Variants in NALF1 observed in about 807,000 individuals in gnomAD.
The protein encoded by NALF1 is family with sequence similarity 155 member A.
A neutral mutation model predicts 48.4 loss-of-function variants in NALF1; 3 were observed. The ratio of observed to expected loss-of-function variants is 0.06; its 90% CI spans 0.03 to 0.16. The LOEUF (loss-of-function observed/expected upper bound fraction) is 0.16. Ranked by LOEUF, NALF1 falls within the 10% of genes least tolerant of loss-of-function variation. The pLI, the probability that NALF1 is intolerant of heterozygous loss-of-function variation, is 1.00. For synonymous variants in NALF1, 262 were observed against 245.7 expected (o/e 1.07, Z -0.62); for missense variants, 526 against 571.5 (o/e 0.92, Z 0.81).
chr13:107,287,702 C>CT (rs1159572012), intron 1 of NALF1, among the ~76,000 whole-genome samples: 10 of 97,468 alleles, frequency 1.0e-4, no homozygotes, highest in Non-Finnish European at 2.3e-4. Context: ...CTTTTCTTTT[C>CT]TTTCTTTTTT....
intron 1 of NALF1, among the ~76,000 whole-genome samples, chr13:107,411,431 C>A (rs556618341): frequency 2.0e-5 from 3 of 151,822 alleles, no homozygotes; most frequent in Non-Finnish European, 4.4e-5. Flanking sequence ...CCCACCTCGA[C>A]CCCACAAAGT....
chr13:107,285,242 A>T, intron 1 of NALF1, among the ~76,000 whole-genome samples: 1 of 152,226 alleles, frequency 6.6e-6, no homozygotes, highest in Non-Finnish European at 1.5e-5. Flanking sequence ...CCTGTATAAT[A>T]CCTAAGAGAA....
intron 1 of NALF1, among the ~76,000 whole-genome samples, chr13:107,435,418 C>T (rs1020491424): frequency 4.6e-5 from 7 of 152,126 alleles, no homozygotes; most frequent in South Asian, 2.1e-4. Context: ...AATTAATACA[C>T]GCAGACAGCT....
intron 1 of NALF1, among the ~76,000 whole-genome samples, chr13:107,356,680 TAA>T (rs1042080903): frequency 1.5e-4 from 23 of 152,160 alleles, no homozygotes; most frequent in African/African-American, 4.6e-4. Flanking sequence ...TTTTAGACAT[TAA>T]AAGACTTCAA....
chr13:107,506,246 A>G (rs1875693473), intron 1 of NALF1, among the ~76,000 whole-genome samples: 1 of 152,158 alleles, frequency 6.6e-6, no homozygotes. Context: ...AAGGCCTTTA[A>G]GTAGTATTAA....
intron 1 of NALF1, among the ~76,000 whole-genome samples, chr13:107,714,271 A>G (rs1875684038): frequency 6.6e-6 from 1 of 152,220 alleles, no homozygotes; most frequent in Non-Finnish European, 1.5e-5. Flanking sequence ...CACAAGCTGC[A>G]GCGCTGCTGT....
intron 1 of NALF1, among the ~76,000 whole-genome samples, chr13:107,284,329 A>G (rs1881448827): frequency 6.6e-6 from 1 of 152,164 alleles, no homozygotes; most frequent in Non-Finnish European, 1.5e-5. Context: ...TATATGAGTA[A>G]GCAGGAAAGC....
chr13:107,215,536 G>C (rs538786132), intron 1 of NALF1, among the ~76,000 whole-genome samples: 2 of 152,120 alleles, frequency 1.3e-5, no homozygotes, highest in Admixed American at 6.5e-5. Flanking sequence ...TGGTTATAAC[G>C]GCACAGCCTC....
intron 1 of NALF1, among the ~76,000 whole-genome samples, chr13:107,840,469 G>A (rs1325572987): frequency 6.6e-6 from 1 of 152,194 alleles, no homozygotes; most frequent in Non-Finnish European, 1.5e-5. Context: ...CAAGGTGTCT[G>A]CTGGAGCTCC....
intron 1 of NALF1, among the ~76,000 whole-genome samples, chr13:107,344,188 C>A (rs1051474249): frequency 1.3e-5 from 2 of 152,040 alleles, no homozygotes; most frequent in African/African-American, 4.8e-5. Flanking sequence ...AAAATTGAAT[C>A]AGTAATCAGA....
chr13:107,523,194 T>C (rs1876305299), intron 1 of NALF1, among the ~76,000 whole-genome samples: 3 of 152,100 alleles, frequency 2.0e-5, no homozygotes, highest in African/African-American at 7.2e-5. Flanking sequence ...TTCAGAGCCA[T>C]TGTTCTCCAC....
At chr13:107,428,304 G>A (rs528567226) in intron 1 of NALF1, among the ~76,000 whole-genome samples, 7 of 152,282 alleles carry the variant, frequency 4.6e-5, no homozygotes, top group South Asian at 2.1e-4. Flanking sequence ...CCTCATGCCC[G>A]AGGTTGCACT....
At position 107,866,154 on chromosome 13, in the gene NALF1, C is replaced by T; in HGVS notation, c.443G>A (p.Gly148Asp). The T allele has an allele frequency of 6.2e-7, 1 of 1,607,704 alleles. No individual in the cohort carries two copies. Among genetic ancestry groups the T allele is most frequent in the Non-Finnish European group, 8.5e-7 (1 of 1,177,632 alleles). Residue 148 changes from glycine to aspartate, a missense_variant, in exon 1 of 3, where the codon GGC becomes GAC. Around this residue, in one of 2 missense-constraint regions of NALF1, gnomAD observed 373 missense variants for 355.5 expected, o/e 1.05. Transcript: ENST00000375915. The surrounding 1 kb of genome is among the most constrained non-coding windows in gnomAD (Gnocchi z 4.4). Reference protein sequence around the residue: ...GGGGGGKGNRGKDDRGKALFL... With the variant: ...GGGGGGKGNRDKDDRGKALFL... Reference sequence around the variant, plus strand: ...AAGAGCCTTGCCCCGGTCGTCTTTGCCTCGGTTGCCCTTGCCGCCGCCGCC... The same window carrying T: ...AAGAGCCTTGCCCCGGTCGTCTTTGTCTCGGTTGCCCTTGCCGCCGCCGCC...
chr13:107,866,285 G>A lies in NALF1; in HGVS notation c.312C>T (p.Pro104=), dbSNP rs369979107. ...QQRRQQEPSW[P]ALLASMGESS... Reference sequence around the variant, plus strand: ...ACTCCCCCATGCTCGCCAGGAGCGCGGGCCAGGAGGGCTCCTGCTGCCGCC... The same window carrying A: ...ACTCCCCCATGCTCGCCAGGAGCGCAGGCCAGGAGGGCTCCTGCTGCCGCC... Residue 104 remains proline, a synonymous_variant, in exon 1 of 3, where the codon CCC becomes CCT. Transcript: ENST00000375915. The surrounding 1 kb of genome is among the most constrained non-coding windows in gnomAD (Gnocchi z 4.4). 374 of 1,601,364 alleles carry A rather than the reference G, an allele frequency of 2.3e-4. 1 individual carries two copies. The highest frequency in any genetic ancestry group is 4.9e-5 in the Non-Finnish European group (58 of 1,176,152).
At chr13:107,180,980 G>T (rs941174100) in intron 2 of NALF1, among the ~76,000 whole-genome samples, 2 of 151,548 alleles carry the variant, frequency 1.3e-5, no homozygotes, top group Non-Finnish European at 3.0e-5. Context: ...TCTAAAAATA[G>T]CTTGTTTATA....
At chr13:107,398,633 A>C (rs1201353970) in intron 1 of NALF1, among the ~76,000 whole-genome samples, 6 of 152,142 alleles carry the variant, frequency 3.9e-5, no homozygotes, top group African/African-American at 1.4e-4. Context: ...GGTACTGATA[A>C]TAAGCAAACT....
intron 1 of NALF1, among the ~76,000 whole-genome samples, chr13:107,467,010 A>G (rs373132430): frequency 3.9e-5 from 6 of 152,184 alleles, no homozygotes; most frequent in African/African-American, 1.4e-4. Flanking sequence ...TTTATATTGC[A>G]CTTAACTGAC....
intron 1 of NALF1, among the ~76,000 whole-genome samples, chr13:107,253,173 CTTTTTT>C (rs3072801): frequency 1.4e-5 from 2 of 146,550 alleles, no homozygotes; most frequent in Non-Finnish European, 1.5e-5. Context: ...GGACTTCTTT[CTTTTTT>C]TTTTTTTTTG....
chr13:107,381,436 G>T (rs1249188022), intron 1 of NALF1, among the ~76,000 whole-genome samples: 3 of 151,902 alleles, frequency 2.0e-5, no homozygotes, highest in Non-Finnish European at 4.4e-5. Flanking sequence ...GGGCTCAAAC[G>T]ATCCTCTCAC....
Sources: allele counts gnomAD v4.1 joint callset (sites outside exome capture counted in the v4.1 genomes callset), GRCh38; gene constraint gnomAD v4.1.1; regional missense constraint gnomAD v4.1.1; non-coding constraint Gnocchi (gnomAD v3.1); transcripts MANE v1.5; gene names NCBI Gene and HGNC (gene_info 2026-07-23, HGNC 2026-07-21).